ASTN2: variants seen among roughly 807,000 people sequenced by gnomAD.
ASTN2 encodes the protein astrotactin 2.
A neutral mutation model predicts 139.8 loss-of-function variants in ASTN2; 54 were observed. That is an observed-to-expected ratio of 0.39 (90% confidence interval 0.31 to 0.48). ASTN2 has a LOEUF of 0.48. ASTN2 is among the 20% of genes least tolerant of loss of function. ASTN2 has a pLI of 0.95. For synonymous variants in ASTN2, 756 were observed against 719.5 expected (o/e 1.05, Z -0.81); for missense variants, 1,565 against 1,725.1 (o/e 0.91, Z 1.64).
chr9:116,479,514 T>C (rs1849098666), intron 20 of ASTN2, among the ~76,000 whole-genome samples: 1 of 152,128 alleles, frequency 6.6e-6, no homozygotes, highest in African/African-American at 2.4e-5. Context: ...GCCAGGAGCC[T>C]GGACTTGCTT....
At chr9:116,467,962 C>G (rs1407782651) in intron 20 of ASTN2, among the ~76,000 whole-genome samples, 1 of 152,196 alleles carries the variant, frequency 6.6e-6, no homozygotes, top group African/African-American at 2.4e-5. Context: ...GGCCACACAA[C>G]GTTGGCTAGG....
intron 3 of ASTN2, among the ~76,000 whole-genome samples, chr9:117,204,289 C>T (rs1404968543): frequency 6.6e-6 from 1 of 152,158 alleles, no homozygotes; most frequent in Non-Finnish European, 1.5e-5. Context: ...GAACTCCTGG[C>T]CTCATGTGAT....
Position 117,330,562 on chromosome 9 carries a change from C to A in ASTN2, c.443-39049G>T, listed in dbSNP as rs116439070. ...CTTCAGCTTGACCATTGGTGTGAGACCCTGCCTCCAGCTCAAATAACTTTT... is the reference window on the plus strand; with the variant it reads ...CTTCAGCTTGACCATTGGTGTGAGAACCTGCCTCCAGCTCAAATAACTTTT... On this transcript the variant is annotated intron_variant, in intron 1 of 22. Coordinates refer to ENST00000313400, the MANE Select transcript of ASTN2 (RefSeq NM_001365068.1). 6.6e-3 allele frequency among the ~76,000 whole-genome samples: 999 copies of A among 152,278 alleles called. 8 individuals are homozygous for A. Among genetic ancestry groups the A allele is most frequent in the African/African-American group, 0.021 (867 of 41,576 alleles).
At chr9:117,278,085 A>G (rs372703787) in intron 2 of ASTN2, among the ~76,000 whole-genome samples, 12 of 152,334 alleles carry the variant, frequency 7.9e-5, no homozygotes, top group Admixed American at 6.5e-4. Flanking sequence ...ATGATAAATC[A>G]TCTCTGACAT....
chr9:116,644,044 G>A (rs1482728750), intron 17 of ASTN2, among the ~76,000 whole-genome samples: 2 of 152,032 alleles, frequency 1.3e-5, no homozygotes, highest in Non-Finnish European at 2.9e-5. Context: ...TCACAGTGAT[G>A]GGGCTATAGC....
At chr9:116,655,416 T>A (rs1474569968) in intron 16 of ASTN2, among the ~76,000 whole-genome samples, 1 of 152,220 alleles carries the variant, frequency 6.6e-6, no homozygotes, top group African/African-American at 2.4e-5. Context: ...TAAGAGAGCA[T>A]GTAGAAAATG....
At chr9:116,652,382 G>T (rs1370685867) in intron 16 of ASTN2, among the ~76,000 whole-genome samples, 1 of 151,720 alleles carries the variant, frequency 6.6e-6, no homozygotes, top group African/African-American at 2.4e-5. Context: ...TGGTAGGTTG[G>T]GCTAGATTAT....
At chr9:117,100,506 A>T (rs80147336) in intron 4 of ASTN2, among the ~76,000 whole-genome samples, 10,897 of 152,316 alleles carry the variant, frequency 0.072, 542 homozygotes, top group East Asian at 0.21. Context: ...ACATAAAGTT[A>T]TTACCGAAGT....
chr9:117,061,633 C>A (rs559167031), intron 5 of ASTN2, among the ~76,000 whole-genome samples: 1 of 152,068 alleles, frequency 6.6e-6, no homozygotes, highest in African/African-American at 2.4e-5. Flanking sequence ...GGCCATAAAT[C>A]GTGTATAACA....
intron 19 of ASTN2, among the ~76,000 whole-genome samples, chr9:116,595,038 G>A (rs558037654): frequency 2.6e-5 from 4 of 152,328 alleles, no homozygotes; most frequent in Admixed American, 1.3e-4. Context: ...CAGAATTTCT[G>A]AGTGAGAAAG....
intron 10 of ASTN2, among the ~76,000 whole-genome samples, chr9:116,914,547 TTTATTATTATTA>T (rs144153990): frequency 6.8e-6 from 1 of 146,896 alleles, no homozygotes; most frequent in East Asian, 2.0e-4. Flanking sequence ...TGTAAAGTGT[TTTATTATTATTA>T]TTATTATTAT....
chr9:116,874,437 G>A (rs1833244547), intron 10 of ASTN2, among the ~76,000 whole-genome samples: 2 of 152,126 alleles, frequency 1.3e-5, no homozygotes, highest in African/African-American at 4.8e-5. Context: ...AATAAGGGCA[G>A]GTGTTGAAGG....
At chr9:116,804,012 T>G (rs768468208) in intron 13 of ASTN2, among the ~76,000 whole-genome samples, 9 of 152,030 alleles carry the variant, frequency 5.9e-5, no homozygotes, top group Non-Finnish European at 1.3e-4. Flanking sequence ...CTTGAGCAAC[T>G]GAGTCATGGA....
At position 116,967,345 on chromosome 9, in the gene ASTN2, T is replaced by G. The variant is rs187763370; in HGVS notation, c.1889+7863A>C. 9.9e-4 allele frequency among the ~76,000 whole-genome samples: 151 copies of G among 152,320 alleles called. 3 individuals are homozygous for G. The South Asian group carries it at 0.012, about 13-fold the overall frequency. On this transcript the variant is annotated intron_variant, in intron 10 of 22. Transcript: ENST00000313400. ...GGGATTTGAGACTAAGCAGTTTGGC[T>G]CCAGTATCCATGCTATTCACTTCGC...
At chr9:117,393,743 T>C (rs1830604524) in intron 1 of ASTN2, among the ~76,000 whole-genome samples, 1 of 152,038 alleles carries the variant, frequency 6.6e-6, no homozygotes, top group African/African-American at 2.4e-5. Context: ...GGCCTAGGAA[T>C]GGGCAGGCTC....
chr9:116,803,515 TATATA>T (rs1409735458), intron 13 of ASTN2, among the ~76,000 whole-genome samples: 242 of 8,746 alleles, frequency 0.028, 2 homozygotes, highest in African/African-American at 0.04. Context: ...TATATATATA[TATATA>T]TATTTTTTTT....
At chr9:116,426,176 T>C (rs1351688554) in intron 22 of ASTN2, 88 bp from the exon 23 acceptor site, 4 of 1,516,658 alleles carry the variant, frequency 2.6e-6, no homozygotes, top group African/African-American at 1.4e-5. Flanking sequence ...AAACAAATGG[T>C]AACTTCTCCC....
chr9:117,128,371 C>CAAAAAAAAAAAAAAAAAAAA (rs1167187783), intron 4 of ASTN2, among the ~76,000 whole-genome samples: 32 of 66,444 alleles, frequency 4.8e-4, no homozygotes, highest in African/African-American at 1.8e-3. Flanking sequence ...GACACTGTCT[C>CAAAAAAAAAAAAAAAAAAAA]AAAAAAAAAA....
At chr9:117,289,708 C>A (rs1050616217) in intron 2 of ASTN2, among the ~76,000 whole-genome samples, 26 of 152,186 alleles carry the variant, frequency 1.7e-4, no homozygotes, top group African/African-American at 5.6e-4. Flanking sequence ...TCAGCAAGTG[C>A]CCTGAGATGG....
Sources: gnomAD v4.1 joint callset for allele counts (sites outside exome capture counted in the v4.1 genomes callset) on GRCh38, gnomAD v4.1.1 for gene constraint, MANE v1.5 for transcripts, NCBI Gene and HGNC (gene_info 2026-07-23, HGNC 2026-07-21) for gene names.